The following ITFG1 variants were observed in gnomAD, a reference collection of about 807,000 sequenced individuals.
The protein encoded by ITFG1 is T-cell immunomodulatory protein.
A neutral mutation model predicts 81.8 loss-of-function variants in ITFG1; 34 were observed. The observed-to-expected ratio is 0.42, with a 90% CI of 0.32 to 0.55. ITFG1 has a LOEUF of 0.55. Ranked by LOEUF, ITFG1 falls within the 20% of genes least tolerant of loss-of-function variation. The pLI, the probability that ITFG1 is intolerant of heterozygous loss-of-function variation, is 0.17. For synonymous variants in ITFG1, 285 were observed against 270.6 expected (o/e 1.05, Z -0.52); for missense variants, 672 against 755.4 (o/e 0.89, Z 1.29).
chr16:47,393,967 C>T (rs1968564128), intron 6 of ITFG1, among the ~76,000 whole-genome samples: 2 of 152,004 alleles, frequency 1.3e-5, no homozygotes, highest in Admixed American at 6.6e-5. Context: ...TAGGACTCAT[C>T]CTAAAGGATA....
intron 6 of ITFG1, among the ~76,000 whole-genome samples, chr16:47,379,886 T>C (rs1272033630): frequency 2.0e-5 from 3 of 152,122 alleles, no homozygotes; most frequent in South Asian, 4.1e-4. Context: ...TTTTGTGTTT[T>C]CTTTTTTGAG....
At chr16:47,288,834 TG>T (rs1304667113) in intron 10 of ITFG1, among the ~76,000 whole-genome samples, 1 of 152,114 alleles carries the variant, frequency 6.6e-6, no homozygotes, top group Non-Finnish European at 1.5e-5. Flanking sequence ...AAGTGGAGGT[TG>T]CAGCGAGTCG....
chr16:47,300,537 T>A (rs2151559373), intron 10 of ITFG1, among the ~76,000 whole-genome samples: 1 of 152,308 alleles, frequency 6.6e-6, no homozygotes, highest in East Asian at 1.9e-4. Flanking sequence ...AGAGTGACAG[T>A]TCTGAATTCC....
At chr16:47,217,595 T>A (rs1311797327) in intron 14 of ITFG1, among the ~76,000 whole-genome samples, 1 of 152,210 alleles carries the variant, frequency 6.6e-6, no homozygotes, top group Non-Finnish European at 1.5e-5. Flanking sequence ...ATATCCTTAT[T>A]TATCTTGAAC....
At chr16:47,459,624 A>G (rs1969498137) in intron 1 of ITFG1, among the ~76,000 whole-genome samples, 1 of 152,250 alleles carries the variant, frequency 6.6e-6, no homozygotes, top group South Asian at 2.1e-4. Context: ...TGACAAAGAC[A>G]TAATTAAGCA....
At chr16:47,440,688 T>C (rs1969236165) in intron 5 of ITFG1, among the ~76,000 whole-genome samples, 1 of 151,444 alleles carries the variant, frequency 6.6e-6, no homozygotes, top group African/African-American at 2.4e-5. Flanking sequence ...TTCAAAGCCG[T>C]GTGTAGAGGG....
chr16:47,450,233 T>G (rs1969371662), intron 5 of ITFG1: 1 of 179,408 alleles, frequency 5.6e-6, no homozygotes, highest in African/African-American at 2.4e-5. Flanking sequence ...CAAGACTCTC[T>G]TCAAGATATT....
At chr16:47,344,432 T>C (rs976175237) in intron 8 of ITFG1, among the ~76,000 whole-genome samples, 4 of 152,332 alleles carry the variant, frequency 2.6e-5, no homozygotes, top group Non-Finnish European at 4.4e-5. Flanking sequence ...AACTGTCTCA[T>C]AGTTTATTAA....
chr16:47,283,815 T>C (rs1966860062), intron 10 of ITFG1, among the ~76,000 whole-genome samples: 2 of 152,248 alleles, frequency 1.3e-5, no homozygotes, highest in South Asian at 4.1e-4. Flanking sequence ...AGGTTCACTC[T>C]TGGTACCTTT....
intron 7 of ITFG1, among the ~76,000 whole-genome samples, chr16:47,373,196 C>T (rs1354878916): frequency 6.6e-6 from 1 of 152,186 alleles, no homozygotes; most frequent in Admixed American, 6.5e-5. Context: ...GTCTCCTGTG[C>T]AATTCCTTGC....
At chr16:47,394,046 T>C (rs1399695977) in intron 6 of ITFG1, among the ~76,000 whole-genome samples, 1 of 152,230 alleles carries the variant, frequency 6.6e-6, no homozygotes, top group African/African-American at 2.4e-5. Context: ...ATGCTAGAAA[T>C]GCTTGTGAGC....
chr16:47,440,274 C>A (rs1028773515), intron 5 of ITFG1, among the ~76,000 whole-genome samples: 5 of 152,116 alleles, frequency 3.3e-5, no homozygotes, highest in African/African-American at 1.2e-4. Flanking sequence ...TTAGACAGAT[C>A]AACGAAACAG....
At chr16:47,368,605 G>C (rs969912292) in intron 7 of ITFG1, among the ~76,000 whole-genome samples, 1 of 137,190 alleles carries the variant, frequency 7.3e-6, no homozygotes, top group African/African-American at 2.7e-5. Context: ...ATTCAGCATT[G>C]TGTAGAGTGG....
intron 9 of ITFG1, 31 bp from the exon 10 acceptor site, chr16:47,311,443 A>G (rs756331935): frequency 6.7e-7 from 1 of 1,493,804 alleles, no homozygotes; most frequent in Non-Finnish European, 9.0e-7. Flanking sequence ...ATCAGACTTT[A>G]TAGTTATTTT....
chr16:47,295,038 T>C (rs1966962280), intron 10 of ITFG1, among the ~76,000 whole-genome samples: 1 of 152,202 alleles, frequency 6.6e-6, no homozygotes, highest in Non-Finnish European at 1.5e-5. Flanking sequence ...ATGCTCACTA[T>C]GCCTAGGTTT....
At chr16:47,344,664 T>C (rs1967827610) in intron 8 of ITFG1, among the ~76,000 whole-genome samples, 1 of 152,228 alleles carries the variant, frequency 6.6e-6, no homozygotes, top group South Asian at 2.1e-4. Flanking sequence ...TATATATTAA[T>C]GGGTTATCTG....
intron 5 of ITFG1, among the ~76,000 whole-genome samples, chr16:47,431,934 T>G (rs2151610730): frequency 6.6e-6 from 1 of 152,326 alleles, no homozygotes; most frequent in South Asian, 2.1e-4. Flanking sequence ...TTACCAAGGC[T>G]CTACTCAAAT....
chr16:47,212,620 AT>A (rs1965577444), intron 14 of ITFG1, among the ~76,000 whole-genome samples: 1 of 152,178 alleles, frequency 6.6e-6, no homozygotes, highest in African/African-American at 2.4e-5. Context: ...TTCCTTAGTA[AT>A]TTTAAGATTA....
intron 6 of ITFG1, among the ~76,000 whole-genome samples, chr16:47,391,246 C>T (rs1968526562): frequency 1.3e-5 from 2 of 152,130 alleles, no homozygotes; most frequent in South Asian, 4.1e-4. Context: ...ATACAAGGCA[C>T]TTATACACAG....
Sources: allele counts gnomAD v4.1 joint callset (sites outside exome capture counted in the v4.1 genomes callset), GRCh38; gene constraint gnomAD v4.1.1; transcripts MANE v1.5; gene names NCBI Gene and HGNC (gene_info 2026-07-23, HGNC 2026-07-21).